Variants in COL28A1 observed in about 807,000 individuals in gnomAD.
The protein encoded by COL28A1 is collagen type XXVIII alpha 1 chain.
A neutral mutation model predicts 150.2 loss-of-function variants in COL28A1; 161 were observed. The observed-to-expected ratio is 1.07, with a 90% CI of 0.94 to 1.22. The LOEUF (loss-of-function observed/expected upper bound fraction) is 1.22. Among genes scored for constraint, COL28A1 ranks in the 50% most tolerant of loss-of-function variants. The probability of loss-of-function intolerance (pLI) is 0.00; values close to 1 mark genes in which losing one functional copy is unlikely to be tolerated. For missense variants in COL28A1, 1,617 were observed against 1,388.3 expected, an observed-to-expected ratio of 1.16 and a Z score of -2.62; for synonymous variants, 552 against 469.7, an observed-to-expected ratio of 1.18 and a Z score of -2.26.
Position 7,358,627 on chromosome 7 carries a change from A to T in COL28A1, c.*6T>A, listed in dbSNP as rs1306914618. The T allele has an allele frequency of 6.2e-7, 1 of 1,613,448 alleles. No homozygotes were observed. Among genetic ancestry groups the T allele is most frequent in the Non-Finnish European group, 8.5e-7 (1 of 1,179,690 alleles). On this transcript the variant is annotated 3_prime_UTR_variant, in exon 35 of 35. Coordinates refer to ENST00000399429, the MANE Select transcript of COL28A1 (RefSeq NM_001037763.3). ...GCTTTTGATAGAGACAGGCCAATTT[A>T]CTTGCTCATCCTTGAATGCAGGTTT...
At chr7:7,405,157 G>A (rs541711632) in intron 27 of COL28A1, among the ~76,000 whole-genome samples, 3 of 152,298 alleles carry the variant, frequency 2.0e-5, no homozygotes, top group Admixed American at 6.5e-5. Flanking sequence ...AAGAAGATCT[G>A]ATTTTAAAAC....
In COL28A1 at chr7:7,373,032, A is replaced by G. The variant is rs1781317952; in HGVS notation, c.2874T>C (p.His958=). 2 of 1,614,084 alleles carry G rather than the reference A, an allele frequency of 1.2e-6. No individual in the cohort carries two copies. The highest frequency in any genetic ancestry group is 1.7e-6 in the Non-Finnish European group (2 of 1,179,996). ...TAAAGAAATCATCAAACTGGTAAAC[A>G]TGCTCTGGGTCAGTAGCAATTAGAT... ...EMNLIATDPE[H]VYQFDDFFTL... The change falls in exon 32 of 35, where the codon CAT becomes CAC. Residue 958 remains histidine, a synonymous_variant. Transcript: ENST00000399429. The surrounding 1 kb of genome is among the most constrained non-coding windows in gnomAD (Gnocchi z 4.1).
intron 20 of COL28A1, among the ~76,000 whole-genome samples, chr7:7,441,524 GAA>G (rs55984344): frequency 0.14 from 18,826 of 139,070 alleles, 1,255 homozygotes; most frequent in Middle Eastern, 0.23. Flanking sequence ...CTCAACAAAC[GAA>G]AAAAAAAAAA....
intron 15 of COL28A1, among the ~76,000 whole-genome samples, chr7:7,465,216 T>C (rs550102032): frequency 5.0e-4 from 76 of 150,968 alleles, no homozygotes; most frequent in Non-Finnish European, 8.7e-4. Flanking sequence ...CACTAGGGAG[T>C]GCCAGACAGT....
intron 27 of COL28A1, among the ~76,000 whole-genome samples, chr7:7,381,919 C>A (rs1781895445): frequency 1.3e-5 from 2 of 152,150 alleles, no homozygotes; most frequent in Non-Finnish European, 2.9e-5. Context: ...ACACATCAAC[C>A]AGTTCACACA....
intron 27 of COL28A1, among the ~76,000 whole-genome samples, chr7:7,389,404 A>C (rs1195461362): frequency 6.6e-6 from 1 of 152,058 alleles, no homozygotes; most frequent in Non-Finnish European, 1.5e-5. Flanking sequence ...CTGTAGCCTC[A>C]TTGTATAGTT....
chr7:7,430,116 G>A lies in COL28A1; in HGVS notation c.1998+2357C>T, dbSNP rs541268054. 5.3e-5 allele frequency among the ~76,000 whole-genome samples: 8 copies of A among 152,150 alleles called. No homozygotes were observed. In the South Asian group the frequency reaches 1.2e-3, roughly 24 times the overall value. ...ATCTGACACAGTGAAATATTCATAA[G>A]AATTGGGTTTTTTATGTTCTTTTTT... On this transcript the variant is annotated intron_variant, in intron 25 of 34. Transcript: ENST00000399429.
chr7:7,339,288 T>C, the COL28A1 span, among the ~76,000 whole-genome samples: 1 of 152,158 alleles, frequency 6.6e-6, no homozygotes, highest in Non-Finnish European at 1.5e-5. Flanking sequence ...TTCACTTCTT[T>C]ACTTCCTATT....
At chr7:7,408,173 C>T (rs1412407424) in intron 27 of COL28A1, among the ~76,000 whole-genome samples, 2 of 152,096 alleles carry the variant, frequency 1.3e-5, no homozygotes, top group Non-Finnish European at 1.5e-5. Flanking sequence ...GCTCATGATT[C>T]CCGCTCTGAC....
chr7:7,523,292 G>C (rs1781841064), intron 4 of COL28A1, among the ~76,000 whole-genome samples: 1 of 151,482 alleles, frequency 6.6e-6, no homozygotes, highest in Non-Finnish European at 1.5e-5. Flanking sequence ...TGAGTAGCTG[G>C]GACTACAGTC....
chr7:7,503,996 G>T (rs1419704391), intron 11 of COL28A1, among the ~76,000 whole-genome samples: 2 of 152,132 alleles, frequency 1.3e-5, no homozygotes, highest in Non-Finnish European at 2.9e-5. Flanking sequence ...TTGGGAAATT[G>T]ATGAAGTCCT....
At chr7:7,400,394 T>C (rs1001521587) in intron 27 of COL28A1, among the ~76,000 whole-genome samples, 3 of 152,148 alleles carry the variant, frequency 2.0e-5, no homozygotes, top group Admixed American at 2.0e-4. Context: ...TGGAAACCCT[T>C]GGCTTTGAAG....
intron 30 of COL28A1, among the ~76,000 whole-genome samples, chr7:7,377,407 A>G (rs991015770): frequency 7.9e-5 from 12 of 152,290 alleles, no homozygotes; most frequent in South Asian, 2.1e-4. Flanking sequence ...GAAGACTTTC[A>G]TAAGTGCTAT....
rs541418948 is a variant in COL28A1, at chr7:7,463,832, A to C, written c.1303-7720T>G. 5.9e-5 allele frequency among the ~76,000 whole-genome samples: 9 copies of C among 152,372 alleles called. No homozygotes were observed. The South Asian group carries it at 1.9e-3, about 32-fold the overall frequency. ...ACATCTCAATACTAACATTGAATGT[A>C]AATGGCCTAAATGGTTCACTTAAAA... On this transcript the variant is annotated intron_variant, in intron 15 of 34. Transcript: ENST00000399429.
intron 27 of COL28A1, among the ~76,000 whole-genome samples, chr7:7,391,872 G>T (rs1349657935): frequency 2.3e-5 from 3 of 130,512 alleles, no homozygotes; most frequent in African/African-American, 8.8e-5. Context: ...TTGAGCCTAT[G>T]TGTGTCCTTG....
At chr7:7,475,488 G>A (rs1788789193) in intron 14 of COL28A1, among the ~76,000 whole-genome samples, 1 of 152,172 alleles carries the variant, frequency 6.6e-6, no homozygotes, top group African/African-American at 2.4e-5. Flanking sequence ...GGAACACGAT[G>A]TGTTCTTTCT....
intron 15 of COL28A1, among the ~76,000 whole-genome samples, chr7:7,463,933 A>T (rs142004189): frequency 8.5e-4 from 130 of 152,318 alleles, no homozygotes; most frequent in African/African-American, 2.6e-3. Flanking sequence ...ACACATAAGG[A>T]CTCACTTAAA....
chr7:7,455,833 C>T (rs1787118793), intron 16 of COL28A1, among the ~76,000 whole-genome samples: 1 of 152,214 alleles, frequency 6.6e-6, no homozygotes, highest in Admixed American at 6.5e-5. Flanking sequence ...AAGAAACACA[C>T]TACTTATTTT....
intron 15 of COL28A1, among the ~76,000 whole-genome samples, chr7:7,471,755 T>C (rs1788449593): frequency 6.6e-6 from 1 of 152,042 alleles, no homozygotes; most frequent in Non-Finnish European, 1.5e-5. Flanking sequence ...ATTAGCTGGA[T>C]GTGGTGGCGG....
Sources: allele counts gnomAD v4.1 joint callset (sites outside exome capture counted in the v4.1 genomes callset), GRCh38; gene constraint gnomAD v4.1.1; non-coding constraint Gnocchi (gnomAD v3.1); transcripts MANE v1.5; gene names NCBI Gene and HGNC (gene_info 2026-07-23, HGNC 2026-07-21).